MED27: variants seen among roughly 807,000 people sequenced by gnomAD.
MED27 encodes mediator complex subunit 27.
Under a neutral mutation model 38.2 loss-of-function variants are expected in MED27, and 30 were observed. The observed-to-expected ratio is 0.79, with a 90% confidence interval of 0.59 to 1.07. The LOEUF is 1.07. Ranked by LOEUF, MED27 falls within the 50% of genes least tolerant of loss-of-function variation. The pLI is 0.00. For missense variants in MED27, 289 were observed against 397.5 expected (o/e 0.73, Z 2.32); for synonymous variants, 122 against 153.5 (o/e 0.79, Z 1.52).
At chr9:131,885,825 C>T (rs1048052480) in intron 5 of MED27, among the ~76,000 whole-genome samples, 7 of 152,218 alleles carry the variant, frequency 4.6e-5, no homozygotes, top group East Asian at 1.9e-4. Context: ...AATGAGGAAA[C>T]GAGAAAGCCA....
intron 3 of MED27, 25 bp from the exon 4 acceptor site, chr9:131,939,499 T>G (rs1038450925): frequency 2.7e-6 from 4 of 1,486,330 alleles, no homozygotes; most frequent in Non-Finnish European, 3.7e-6. Context: ...AATAAACATG[T>G]GTGAACTACA....
chr9:131,878,836 G>A (rs4740326), intron 6 of MED27, among the ~76,000 whole-genome samples: 11,023 of 70,952 alleles, frequency 0.16, 848 homozygotes, highest in East Asian at 0.48. Flanking sequence ...CCCCCACCCC[G>A]CCCATTTCTA....
rs534528341 is a variant in MED27, at chr9:131,905,965, G to A, written c.574-11973C>T. 8.7e-4 allele frequency among the ~76,000 whole-genome samples: 132 copies of A among 152,308 alleles called. No individual in the cohort carries two copies. The Middle Eastern group carries it at 0.01, about 12-fold the overall frequency. ...ACATTCACAGAGCTAACAGTCTAGT[G>A]AAGGAGACAGGCAATGAAGAAGTGT... On this transcript the variant is annotated intron_variant, in intron 4 of 7. Transcript: ENST00000292035.
chr9:132,000,432 A>G (rs1002306953), intron 3 of MED27, among the ~76,000 whole-genome samples: 7 of 152,192 alleles, frequency 4.6e-5, no homozygotes, highest in Non-Finnish European at 1.0e-4. Flanking sequence ...ACCTTTTGAA[A>G]AACAACTTGG....
intron 2 of MED27, among the ~76,000 whole-genome samples, chr9:132,021,037 C>T (rs951064798): frequency 2.6e-5 from 4 of 152,176 alleles, no homozygotes; most frequent in African/African-American, 7.2e-5. Context: ...ATCAGGGCTG[C>T]GCTTCCTGCT....
At chr9:132,071,112 A>G (rs909732969) in intron 2 of MED27, among the ~76,000 whole-genome samples, 6 of 152,188 alleles carry the variant, frequency 3.9e-5, no homozygotes, top group Non-Finnish European at 7.3e-5. Flanking sequence ...CTTTACTTGT[A>G]TCACCTCATT....
At position 131,933,898 on chromosome 9, in the gene MED27, C is replaced by A. The variant is rs1002509311; in HGVS notation, c.573+5483G>T. On this transcript the variant is annotated intron_variant, in intron 4 of 7. Coordinates refer to ENST00000292035, the MANE Select transcript of MED27 (RefSeq NM_004269.4). Reference sequence around the variant, plus strand: ...AAATTATATTGCAGAGCTATAATAACCAAAATAGCGTGGTACTGGCATAAA... The same window carrying A: ...AAATTATATTGCAGAGCTATAATAAACAAAATAGCGTGGTACTGGCATAAA... 6.4e-4 allele frequency among the ~76,000 whole-genome samples: 97 copies of A among 152,044 alleles called. 4 individuals carry two copies. The highest frequency in any genetic ancestry group is 1.5e-5 in the Non-Finnish European group (1 of 67,982).
chr9:132,062,714 C>G (rs1833725429), intron 2 of MED27, among the ~76,000 whole-genome samples: 1 of 151,832 alleles, frequency 6.6e-6, no homozygotes, highest in African/African-American at 2.4e-5. Flanking sequence ...AACTCCTGGG[C>G]TCAAGTGATC....
At chr9:132,019,697 C>T (rs549153838) in intron 2 of MED27, among the ~76,000 whole-genome samples, 3 of 152,334 alleles carry the variant, frequency 2.0e-5, no homozygotes, top group Admixed American at 6.5e-5. Flanking sequence ...CGCAGGAGGA[C>T]GGTGGGCCAT....
At chr9:132,049,713 T>G (rs964333455) in intron 2 of MED27, among the ~76,000 whole-genome samples, 19 of 152,054 alleles carry the variant, frequency 1.2e-4, no homozygotes, top group African/African-American at 4.6e-4. Flanking sequence ...AACAAAGCAA[T>G]GTGAGCACTC....
chr9:131,945,103 AT>A (rs1308790035), intron 3 of MED27, among the ~76,000 whole-genome samples: 1 of 146,922 alleles, frequency 6.8e-6, no homozygotes, highest in Non-Finnish European at 1.5e-5. Flanking sequence ...TTATATAAAA[AT>A]ATTTATATAT....
intron 3 of MED27, among the ~76,000 whole-genome samples, chr9:131,973,361 C>A (rs376567881): frequency 6.6e-6 from 1 of 152,154 alleles, no homozygotes; most frequent in East Asian, 1.9e-4. Context: ...AACAGGCATG[C>A]ATGTGATGTG....
intron 2 of MED27, among the ~76,000 whole-genome samples, chr9:132,048,287 T>A (rs1036580457): frequency 2.6e-5 from 4 of 152,054 alleles, no homozygotes; most frequent in Non-Finnish European, 5.9e-5. Context: ...AAAAAAAAAA[T>A]GTTTCTTGAA....
Position 131,998,441 on chromosome 9 carries a change from C to T in MED27, c.479+15896G>A, listed in dbSNP as rs73555340. Among the ~76,000 whole-genome samples, 263 of 152,198 alleles carry T rather than the reference C, an allele frequency of 1.7e-3. 1 individual carries two copies. Among genetic ancestry groups the T allele is most frequent in the African/African-American group, 6.2e-3 (256 of 41,536 alleles). Reference sequence around the variant, plus strand: ...TCTCAGAACTCACTGGAGAAAAATGCTTCACTTATCTGCATCCTTATTTCC... The same window carrying T: ...TCTCAGAACTCACTGGAGAAAAATGTTTCACTTATCTGCATCCTTATTTCC... On this transcript the variant is annotated intron_variant, in intron 3 of 7. Coordinates refer to ENST00000292035, the MANE Select transcript of MED27 (RefSeq NM_004269.4).
Position 131,997,284 on chromosome 9 carries a change from T to C in MED27, c.479+17053A>G, listed in dbSNP as rs916336162. Reference sequence around the variant, plus strand: ...GACAAGGAGATGCAATGGCAGATCCTCTTCCAGGAAGAACCTGCTGTCTGG... The same window carrying C: ...GACAAGGAGATGCAATGGCAGATCCCCTTCCAGGAAGAACCTGCTGTCTGG... On this transcript the variant is annotated intron_variant, in intron 3 of 7. Transcript: ENST00000292035. The surrounding 1 kb of genome is among the most constrained non-coding windows in gnomAD (Gnocchi z 4.0). 2.6e-5 allele frequency among the ~76,000 whole-genome samples: 4 copies of C among 152,134 alleles called. No homozygotes were observed. The highest frequency in any genetic ancestry group is 1.3e-4 in the Admixed American group (2 of 15,272).
chr9:131,890,867 G>A (rs555225644), intron 5 of MED27, among the ~76,000 whole-genome samples: 4 of 152,234 alleles, frequency 2.6e-5, no homozygotes, highest in Non-Finnish European at 4.4e-5. Context: ...GACAGCCACC[G>A]TGGGCAAAGT....
At chr9:131,875,222 G>GC (rs1838909362) in intron 6 of MED27, among the ~76,000 whole-genome samples, 1 of 152,228 alleles carries the variant, frequency 6.6e-6, no homozygotes, top group Non-Finnish European at 1.5e-5. Context: ...TATCAGGGCT[G>GC]CCCACAGGGC....
chr9:131,972,701 C>G, intron 3 of MED27, among the ~76,000 whole-genome samples: 1 of 152,182 alleles, frequency 6.6e-6, no homozygotes, highest in East Asian at 1.9e-4. Flanking sequence ...AAGAAGACCC[C>G]TGGTAACATT....
chr9:131,895,098 C>A (rs1005771096), intron 4 of MED27, among the ~76,000 whole-genome samples: 9 of 152,208 alleles, frequency 5.9e-5, no homozygotes, highest in African/African-American at 1.7e-4. Context: ...TACTTCCTAA[C>A]CAGCAGAACT....
Sources: gnomAD v4.1 joint callset for allele counts (sites outside exome capture counted in the v4.1 genomes callset) on GRCh38, gnomAD v4.1.1 for gene constraint, Gnocchi (gnomAD v3.1) non-coding constraint, MANE v1.5 for transcripts, NCBI Gene and HGNC (gene_info 2026-07-23, HGNC 2026-07-21) for gene names.